Variants in ZC3H12B observed in about 807,000 individuals in gnomAD.
ZC3H12B encodes zinc finger CCCH-type containing 12B.
Under a neutral mutation model 43.9 loss-of-function variants are expected in ZC3H12B, and 7 were observed. The ratio of observed to expected loss-of-function variants is 0.16; its 90% confidence interval spans 0.09 to 0.30. The LOEUF (loss-of-function observed/expected upper bound fraction) is 0.30. Ranked by LOEUF, ZC3H12B falls within the 10% of genes least tolerant of loss-of-function variation. The probability of loss-of-function intolerance (pLI) is 1.00; values close to 1 mark genes in which losing one functional copy is unlikely to be tolerated. For missense variants in ZC3H12B, 475 were observed against 670.2 expected (o/e 0.71, Z 3.22); for synonymous variants, 222 against 241.7 (o/e 0.92, Z 0.76).
At chrX:65,280,269 C>T in the ZC3H12B span, among the ~76,000 whole-genome samples, 4 of 112,505 alleles carry the variant, frequency 3.6e-5, no homozygotes, top group Non-Finnish European at 7.5e-5. Context: ...AAACATCATG[C>T]ATCACAGCAA....
At chrX:65,153,748 A>G in the ZC3H12B span, among the ~76,000 whole-genome samples, 2 of 111,903 alleles carry the variant, frequency 1.8e-5, no homozygotes, top group Non-Finnish European at 3.8e-5. Context: ...CCAAAGGACT[A>G]TAAATCATGC....
intron 3 of ZC3H12B, among the ~76,000 whole-genome samples, chrX:65,442,187 A>T (rs2067310402): frequency 9.2e-6 from 1 of 108,993 alleles, no homozygotes; most frequent in Non-Finnish European, 1.9e-5. Flanking sequence ...TACCTCCGAT[A>T]CCATCACAGG....
the ZC3H12B span, among the ~76,000 whole-genome samples, chrX:65,225,919 G>A: frequency 0.11 from 11,969 of 111,633 alleles, 1,534 homozygotes; most frequent in African/African-American, 0.36. Flanking sequence ...TGAAAGTGAC[G>A]GGTAGAATGG....
At chrX:65,160,721 T>G in the ZC3H12B span, among the ~76,000 whole-genome samples, 2 of 111,826 alleles carry the variant, frequency 1.8e-5, no homozygotes, top group Admixed American at 1.9e-4. Flanking sequence ...GTGCCTGGAT[T>G]AATTAATTTT....
At chrX:65,408,308 C>T in intron 3 of ZC3H12B, 1 of 1,190,435 alleles carries the variant, frequency 8.4e-7, no homozygotes, top group Non-Finnish European at 1.1e-6. Context: ...CATTGAAATG[C>T]ACAAACAGAC....
At chrX:65,073,554 A>C in the ZC3H12B span, among the ~76,000 whole-genome samples, 1 of 112,054 alleles carries the variant, frequency 8.9e-6, no homozygotes, top group South Asian at 3.7e-4. Flanking sequence ...CAGGTATGAC[A>C]GTTCCCCTAG....
the ZC3H12B span, among the ~76,000 whole-genome samples, chrX:65,337,787 A>T: frequency 1.8e-5 from 2 of 112,683 alleles, no homozygotes; most frequent in African/African-American, 6.4e-5. Context: ...TAATTTGAAA[A>T]TATCTATTAA....
the ZC3H12B span, among the ~76,000 whole-genome samples, chrX:65,130,181 A>C: frequency 9.0e-6 from 1 of 111,347 alleles, no homozygotes; most frequent in East Asian, 2.8e-4. Context: ...TTAAAAGACC[A>C]TTAGTCAGTT....
intron 2 of ZC3H12B, among the ~76,000 whole-genome samples, chrX:65,378,340 T>C (rs1362206916): frequency 9.0e-6 from 1 of 111,533 alleles, no homozygotes; most frequent in African/African-American, 3.3e-5. Flanking sequence ...TAGAGTGTTT[T>C]TTAGTTTACT....
chrX:65,476,832 ATTT>A (rs375353483), intron 3 of ZC3H12B, among the ~76,000 whole-genome samples: 1 of 96,836 alleles, frequency 1.0e-5, no homozygotes, highest in African/African-American at 3.8e-5. Context: ...GCTGACTGGA[ATTT>A]TTTTTTTTTT....
At chrX:65,165,500 G>C in the ZC3H12B span, among the ~76,000 whole-genome samples, 1 of 111,879 alleles carries the variant, frequency 8.9e-6, no homozygotes. Context: ...TCATTGTTCA[G>C]CTCCCAATTT....
chrX:65,437,262 A>T (rs765097702), intron 3 of ZC3H12B, among the ~76,000 whole-genome samples: 8 of 111,570 alleles, frequency 7.2e-5, no homozygotes, highest in Non-Finnish European at 1.5e-4. Context: ...CATTCTAATG[A>T]TATTTTTGTA....
chrX:65,045,373 A>G, the ZC3H12B span, among the ~76,000 whole-genome samples: 1 of 112,198 alleles, frequency 8.9e-6, no homozygotes, highest in African/African-American at 3.2e-5. Context: ...TACTTTATCA[A>G]AAACGTTTAT....
At chrX:65,143,795 C>T in the ZC3H12B span, among the ~76,000 whole-genome samples, 1 of 109,769 alleles carries the variant, frequency 9.1e-6, no homozygotes, top group African/African-American at 3.3e-5. Flanking sequence ...TCTGGAACTC[C>T]TGACGTTGGG....
the ZC3H12B span, among the ~76,000 whole-genome samples, chrX:65,360,060 A>G: frequency 8.9e-6 from 1 of 112,278 alleles, no homozygotes; most frequent in Non-Finnish European, 1.9e-5. Flanking sequence ...GGTTCAGATG[A>G]TTGTTAGCAT....
chrX:65,271,526 G>A, the ZC3H12B span: 1 of 112,450 alleles, frequency 8.9e-6, no homozygotes, highest in African/African-American at 3.2e-5. Context: ...TTTGGCAGCT[G>A]AAAGTCTCTC....
At chrX:65,377,142 C>A (rs999687070) in intron 2 of ZC3H12B, among the ~76,000 whole-genome samples, 9 of 107,966 alleles carry the variant, frequency 8.3e-5, no homozygotes, top group African/African-American at 3.0e-4. Context: ...GCACCAAAGT[C>A]TTTTAATAGA....
intron 3 of ZC3H12B, among the ~76,000 whole-genome samples, chrX:65,442,478 T>C (rs949869199): frequency 1.8e-5 from 2 of 111,141 alleles, no homozygotes; most frequent in African/African-American, 6.6e-5. Context: ...TTCTATGGCA[T>C]CATCCTGCAT....
At chrX:65,058,552 G>T in the ZC3H12B span, among the ~76,000 whole-genome samples, 2 of 112,186 alleles carry the variant, frequency 1.8e-5, no homozygotes, top group African/African-American at 3.2e-5. Flanking sequence ...CAGTCTGTCT[G>T]TTCTCAGATC....
Sources: gnomAD v4.1 joint callset for allele counts (sites outside exome capture counted in the v4.1 genomes callset) on GRCh38, gnomAD v4.1.1 for gene constraint, MANE v1.5 for transcripts, NCBI Gene and HGNC (gene_info 2026-07-23, HGNC 2026-07-21) for gene names.